The following ABCA4 variants were observed in gnomAD, a reference collection of about 807,000 sequenced individuals.
ABCA4 encodes ATP binding cassette subfamily A member 4.
ABCA4 carries 196 observed loss-of-function variants against 263.7 expected under a neutral mutation model. That is an observed-to-expected ratio of 0.74 (90% CI 0.66 to 0.84). ABCA4 has a LOEUF of 0.84. Ranked by LOEUF, ABCA4 falls within the 40% of genes least tolerant of loss-of-function variation. ABCA4 has a pLI of 0.00. For synonymous variants in ABCA4, 1,133 were observed against 1,094.2 expected (o/e 1.04, Z -0.70); for missense variants, 2,792 against 2,855.1 (o/e 0.98, Z 0.50).
chr1:94,083,368 G>A lies in ABCA4; in HGVS notation c.842C>T (p.Ser281Leu). ...RSWGGILSDM[S>L]PRIQEFIHRP... ...GCTACTCACCTCTTGAATTCTTGGT[G>A]ACATATCAGATAATATTCCTCCCCA... Residue 281 changes from serine to leucine, a missense_variant, in exon 7 of 50, where the codon TCA becomes TTA. Physicochemically the swap from Ser to Leu is moderately radical, Grantham distance 145. Transcript: ENST00000370225. 6.2e-7 allele frequency: 1 copy of A among 1,611,872 alleles called. No homozygotes were observed. Among genetic ancestry groups the A allele is most frequent in the Non-Finnish European group, 8.5e-7 (1 of 1,178,266 alleles).
chr1:94,020,473 C>T (rs1159264798), intron 35 of ABCA4, among the ~76,000 whole-genome samples: 1 of 152,192 alleles, frequency 6.6e-6, no homozygotes, highest in Non-Finnish European at 1.5e-5. Flanking sequence ...TCATATCATC[C>T]ATACACGTAG....
At chr1:94,103,686 C>T (rs984482002) in intron 4 of ABCA4, among the ~76,000 whole-genome samples, 6 of 152,254 alleles carry the variant, frequency 3.9e-5, no homozygotes, top group East Asian at 3.9e-4. Flanking sequence ...CTTCCCACAC[C>T]GCAGCTGTCA....
chr1:94,059,892 G>A (rs528492684), intron 14 of ABCA4, among the ~76,000 whole-genome samples: 1 of 152,314 alleles, frequency 6.6e-6, no homozygotes, highest in Admixed American at 6.5e-5. Context: ...GCTCTCAGAG[G>A]AGTTGCAAGT....
At chr1:94,040,373 T>C (rs1570369879) in intron 23 of ABCA4, among the ~76,000 whole-genome samples, 1 of 152,316 alleles carries the variant, frequency 6.6e-6, no homozygotes, top group Non-Finnish European at 1.5e-5. Flanking sequence ...AGGGTCCCTT[T>C]GGCTTGTCAT....
chr1:94,055,573 A>G (rs1660955189), intron 15 of ABCA4, among the ~76,000 whole-genome samples: 1 of 152,164 alleles, frequency 6.6e-6, no homozygotes, highest in Non-Finnish European at 1.5e-5. Flanking sequence ...GCCCTAATCC[A>G]CAGTTGCTAG....
At chr1:94,002,281 C>T (rs1299942256) in intron 44 of ABCA4, among the ~76,000 whole-genome samples, 5 of 152,198 alleles carry the variant, frequency 3.3e-5, no homozygotes, top group African/African-American at 1.2e-4. Context: ...CAGTGGGTCT[C>T]GCCCAGCGTC....
chr1:94,040,452 T>C (rs1660457157), intron 23 of ABCA4, among the ~76,000 whole-genome samples: 1 of 152,092 alleles, frequency 6.6e-6, no homozygotes, highest in African/African-American at 2.4e-5. Context: ...TGGATGGACA[T>C]AGGAAACCCC....
In ABCA4 at chr1:93,998,905, AT is replaced by A. The variant is rs11370620; in HGVS notation, c.6480-796del. Among the ~76,000 whole-genome samples the A allele has an allele frequency of 2.9e-3, 392 of 135,780 alleles. 1 individual carries two copies. The highest frequency in any genetic ancestry group is 4.6e-3 in the Admixed American group (62 of 13,572). 89.1% of individuals were successfully genotyped at this position (135,780 alleles called of 152,430 possible). On this transcript the variant is annotated intron_variant, in intron 47 of 49. Coordinates refer to ENST00000370225, the MANE Select transcript of ABCA4 (RefSeq NM_000350.3). ...AGGCACCTGCCACCACACTCGGCTA[AT>A]TTTTTTTTTTTTTTTTGTATTTTTA...
chr1:94,064,790 C>A (rs1265758567), intron 11 of ABCA4, among the ~76,000 whole-genome samples: 1 of 152,118 alleles, frequency 6.6e-6, no homozygotes, highest in Non-Finnish European at 1.5e-5. Flanking sequence ...TATGAACGAC[C>A]AATGCAGGGC....
chr1:94,054,557 T>C (rs1660920209), intron 16 of ABCA4, among the ~76,000 whole-genome samples: 1 of 152,114 alleles, frequency 6.6e-6, no homozygotes, highest in South Asian at 2.1e-4. Context: ...AATGTGCTTC[T>C]GGCATGAGAA....
chr1:94,060,835 A>C (rs1661103079), intron 13 of ABCA4, 76 bp from the exon 14 acceptor site: 31 of 1,250,812 alleles, frequency 2.5e-5, no homozygotes, highest in Non-Finnish European at 3.4e-5. Context: ...TTGTTGAATG[A>C]ATGTGTTGAG....
Position 94,039,556 on chromosome 1 carries a change from C to T in ABCA4, c.3607+487G>A, listed in dbSNP as rs534982946. Among the ~76,000 whole-genome samples the T allele has an allele frequency of 2.0e-5, 3 of 152,278 alleles. No individual in the cohort carries two copies. The South Asian group carries it at 6.2e-4, about 32-fold the overall frequency. ...TGCATCCTAATTAAAGGGAGAATCA[C>T]TGGGAAATTGGGAAGCTGAGGGGAG... On this transcript the variant is annotated intron_variant, in intron 24 of 49. Coordinates refer to ENST00000370225, the MANE Select transcript of ABCA4 (RefSeq NM_000350.3).
At chr1:94,013,539 G>T (rs779231260) in intron 38 of ABCA4, among the ~76,000 whole-genome samples, 28 of 152,324 alleles carry the variant, frequency 1.8e-4, no homozygotes, top group East Asian at 3.9e-4. Context: ...ACACAGGCAC[G>T]TGGTGAGGCA....
intron 19 of ABCA4, among the ~76,000 whole-genome samples, 158 bp from the exon 20 acceptor site, chr1:94,044,902 C>T (rs1660631359): frequency 1.3e-5 from 2 of 152,328 alleles, no homozygotes; most frequent in Middle Eastern, 6.8e-3. Context: ...CCCCTTAGCA[C>T]CAGTGTATAC....
chr1:94,012,650 C>T (rs1413955257), intron 38 of ABCA4, among the ~76,000 whole-genome samples: 4 of 152,184 alleles, frequency 2.6e-5, no homozygotes, highest in Non-Finnish European at 5.9e-5. Context: ...TCCACCACGG[C>T]TCCCCCAGCC....
At chr1:94,016,647 A>G (rs1213482299) in intron 36 of ABCA4, among the ~76,000 whole-genome samples, 1 of 152,196 alleles carries the variant, frequency 6.6e-6, no homozygotes, top group Non-Finnish European at 1.5e-5. Context: ...AAAAAAAACT[A>G]GAATGAGCCC....
At chr1:94,005,411 C>T (rs750824281) in intron 44 of ABCA4, 30 bp downstream of exon 44, 27 of 1,613,852 alleles carry the variant, frequency 1.7e-5, no homozygotes, top group Non-Finnish European at 2.2e-5. Flanking sequence ...TAACCAGACT[C>T]CTATGTGGCC....
intron 16 of ABCA4, among the ~76,000 whole-genome samples, chr1:94,054,724 C>G (rs1660927118): frequency 6.6e-6 from 1 of 152,076 alleles, no homozygotes; most frequent in South Asian, 2.1e-4. Context: ...GCTTGGAGGC[C>G]AGGGTTGAGA....
intron 14 of ABCA4, among the ~76,000 whole-genome samples, chr1:94,058,815 G>A (rs1363977336): frequency 3.3e-5 from 5 of 152,206 alleles, no homozygotes; most frequent in Admixed American, 3.3e-4. Flanking sequence ...TCCTCAGATG[G>A]CCACTTTTCT....
Sources: gnomAD v4.1 joint callset for allele counts (sites outside exome capture counted in the v4.1 genomes callset) on GRCh38, gnomAD v4.1.1 for gene constraint, MANE v1.5 for transcripts, NCBI Gene and HGNC (gene_info 2026-07-23, HGNC 2026-07-21) for gene names.